KLF12: variants seen among roughly 807,000 people sequenced by gnomAD.
KLF12 encodes KLF transcription factor 12.
In KLF12, 9 loss-of-function variants were observed where a neutral mutation model predicts 37.8. The observed-to-expected ratio is 0.24, with a 90% confidence interval of 0.14 to 0.42. KLF12 has a LOEUF of 0.42. Ranked by LOEUF, KLF12 falls within the 10% of genes least tolerant of loss-of-function variation. The pLI is 1.00. For missense variants in KLF12, 411 were observed against 516.0 expected, an observed-to-expected ratio of 0.80 and a Z score of 1.97; for synonymous variants, 208 against 202.1, an observed-to-expected ratio of 1.03 and a Z score of -0.25.
chr13:74,107,562 A>G (rs575447809), intron 1 of KLF12, among the ~76,000 whole-genome samples: 2 of 152,388 alleles, frequency 1.3e-5, no homozygotes, highest in South Asian at 4.1e-4. Context: ...GCGCATGCGC[A>G]CACATGTGAA....
At chr13:73,921,808 G>A (rs1889129510) in intron 3 of KLF12, among the ~76,000 whole-genome samples, 1 of 152,146 alleles carries the variant, frequency 6.6e-6, no homozygotes, top group African/African-American at 2.4e-5. Flanking sequence ...GTCTTTTGCA[G>A]TTATCTGCAG....
intron 3 of KLF12, among the ~76,000 whole-genome samples, chr13:73,909,737 AAATTTTTAT>A (rs1391732740): frequency 1.3e-5 from 2 of 152,146 alleles, no homozygotes; most frequent in African/African-American, 4.8e-5. Flanking sequence ...TTTAAAAACA[AAATTTTTAT>A]AGGCGCATTT....
chr13:73,996,891 T>C (rs1443985379), intron 1 of KLF12, among the ~76,000 whole-genome samples: 1 of 152,110 alleles, frequency 6.6e-6, no homozygotes, highest in African/African-American at 2.4e-5. Context: ...GGAGAAGACA[T>C]AAGGATGAAA....
chr13:73,976,032 C>T (rs774309346), intron 2 of KLF12, among the ~76,000 whole-genome samples: 1 of 152,102 alleles, frequency 6.6e-6, no homozygotes, highest in Non-Finnish European at 1.5e-5. Flanking sequence ...ACACATTACA[C>T]CCACCGTATT....
rs1306020059 is a variant in KLF12, at chr13:73,992,146, G to T, written c.33+2844C>A. Among the ~76,000 whole-genome samples the T allele has an allele frequency of 3.9e-5, 6 of 152,330 alleles. No individual in the cohort carries two copies. In the East Asian group the frequency reaches 9.6e-4, roughly 24 times the overall value. ...TCTGAACACCTGCTCTAAGCCAGCT[G>T]CTGAGAAGCACTGGGTAAACATATT... On this transcript the variant is annotated intron_variant, in intron 2 of 7. Transcript: ENST00000377669.
At chr13:74,028,193 TACA>T (rs1893026805) in intron 1 of KLF12, among the ~76,000 whole-genome samples, 1 of 152,064 alleles carries the variant, frequency 6.6e-6, no homozygotes. Context: ...AGATTAATCC[TACA>T]ACAACAAAAA....
intron 1 of KLF12, among the ~76,000 whole-genome samples, chr13:74,018,817 C>T (rs1486497498): frequency 6.6e-6 from 1 of 152,166 alleles, no homozygotes; most frequent in African/African-American, 2.4e-5. Flanking sequence ...GTAGTTTTTA[C>T]TGAACATTTC....
chr13:74,047,416 C>G (rs1893575018), intron 1 of KLF12, among the ~76,000 whole-genome samples: 1 of 144,270 alleles, frequency 6.9e-6, no homozygotes, highest in South Asian at 2.3e-4. Flanking sequence ...ACGGCGAAAC[C>G]CCGTCTCTAC....
chr13:73,721,884 G>A (rs890733165), intron 6 of KLF12, among the ~76,000 whole-genome samples: 4 of 152,096 alleles, frequency 2.6e-5, no homozygotes, highest in Non-Finnish European at 4.4e-5. Flanking sequence ...TATAAACTAT[G>A]TATTTCCAAG....
chr13:74,196,147 T>C, the KLF12 span, among the ~76,000 whole-genome samples: 1 of 152,188 alleles, frequency 6.6e-6, no homozygotes, highest in Non-Finnish European at 1.5e-5. Context: ...ACAACAACCA[T>C]GTGTCCTCTT....
At chr13:73,708,928 A>G (rs1276888886) in intron 7 of KLF12, among the ~76,000 whole-genome samples, 1 of 152,238 alleles carries the variant, frequency 6.6e-6, no homozygotes, top group Non-Finnish European at 1.5e-5. Flanking sequence ...CCCACAATTT[A>G]GACAGTGGAT....
At chr13:73,738,102 T>TACACACAC (rs1566331080) in intron 6 of KLF12, among the ~76,000 whole-genome samples, 1,124 of 98,318 alleles carry the variant, frequency 0.011, 49 homozygotes, top group African/African-American at 0.044. Context: ...CATATATATA[T>TACACACAC]ATATATATAT....
chr13:73,711,657 T>C (rs1416777932), intron 7 of KLF12, among the ~76,000 whole-genome samples: 1 of 152,188 alleles, frequency 6.6e-6, no homozygotes, highest in Non-Finnish European at 1.5e-5. Context: ...TCACTGACAA[T>C]GCACCTGGTC....
At chr13:73,904,566 A>T (rs1435593628) in intron 3 of KLF12, among the ~76,000 whole-genome samples, 2 of 145,768 alleles carry the variant, frequency 1.4e-5, no homozygotes. Context: ...CAAGGAATGT[A>T]TTATCAGAAA....
chr13:73,992,450 GTGTTTGTTTTT>G, intron 2 of KLF12, among the ~76,000 whole-genome samples: 1 of 152,346 alleles, frequency 6.6e-6, no homozygotes, highest in African/African-American at 2.4e-5. Context: ...TGCAAAAGTT[GTGTTTGTTTTT>G]TGTTTGTTTT....
intron 2 of KLF12, among the ~76,000 whole-genome samples, chr13:73,949,697 AAAAACATCCTTTT>A (rs1890573818): frequency 6.6e-6 from 1 of 152,214 alleles, no homozygotes; most frequent in African/African-American, 2.4e-5. Flanking sequence ...GGCTAAGTGT[AAAAACATCCTTTT>A]CTCTACTCAC....
chr13:74,222,375 CA>C, the KLF12 span, among the ~76,000 whole-genome samples: 3 of 152,178 alleles, frequency 2.0e-5, no homozygotes, highest in Admixed American at 2.0e-4. Context: ...TGGGAAGGAG[CA>C]GAGTAAACAT....
chr13:74,209,938 A>G, the KLF12 span, among the ~76,000 whole-genome samples: 1 of 152,236 alleles, frequency 6.6e-6, no homozygotes, highest in Admixed American at 6.5e-5. Context: ...CAATTCTTTG[A>G]CCAAATGTGT....
chr13:73,868,389 T>C (rs1244605676), intron 3 of KLF12, among the ~76,000 whole-genome samples: 1 of 151,234 alleles, frequency 6.6e-6, no homozygotes, highest in Non-Finnish European at 1.5e-5. Flanking sequence ...AAGATTTTTG[T>C]TCGTTTGTTT....
Sources: gnomAD v4.1 joint callset for allele counts (sites outside exome capture counted in the v4.1 genomes callset) on GRCh38, gnomAD v4.1.1 for gene constraint, MANE v1.5 for transcripts, NCBI Gene and HGNC (gene_info 2026-07-23, HGNC 2026-07-21) for gene names.